MACROD2: variants seen among roughly 807,000 people sequenced by gnomAD.
MACROD2 encodes ADP-ribose glycohydrolase MACROD2.
MACROD2 carries 36 observed loss-of-function variants against 70.4 expected under a neutral mutation model. That is an observed-to-expected ratio of 0.51 (90% CI 0.39 to 0.68). The LOEUF (loss-of-function observed/expected upper bound fraction) is 0.68. MACROD2 is among the 30% of genes least tolerant of loss of function. The probability of loss-of-function intolerance (pLI) is 0.00; values close to 1 mark genes in which losing one functional copy is unlikely to be tolerated. For synonymous variants in MACROD2, 172 were observed against 178.8 expected (o/e 0.96, Z 0.30); for missense variants, 496 against 538.4 (o/e 0.92, Z 0.78).
intron 6 of MACROD2, among the ~76,000 whole-genome samples, chr20:15,241,330 A>C (rs1246047371): frequency 1.3e-5 from 2 of 152,182 alleles, no homozygotes; most frequent in East Asian, 3.8e-4. Flanking sequence ...TACTGATAGC[A>C]GTTTTCATTA....
chr20:15,356,070 C>T (rs1057373374), intron 6 of MACROD2, among the ~76,000 whole-genome samples: 2 of 152,084 alleles, frequency 1.3e-5, no homozygotes, highest in African/African-American at 4.8e-5. Context: ...TCCTATCTTC[C>T]ATCACTCTTG....
At chr20:14,739,802 T>G (rs1230395896) in intron 5 of MACROD2, among the ~76,000 whole-genome samples, 2 of 152,032 alleles carry the variant, frequency 1.3e-5, no homozygotes, top group African/African-American at 4.8e-5. Flanking sequence ...CTTTGATATA[T>G]TCACATAATA....
At chr20:15,705,639 G>A (rs2050522094) in intron 8 of MACROD2, among the ~76,000 whole-genome samples, 1 of 152,002 alleles carries the variant, frequency 6.6e-6, no homozygotes, top group African/African-American at 2.4e-5. Flanking sequence ...GGCTGGTCTT[G>A]AACTCCTAGC....
chr20:14,159,999 A>C (rs1168691892), intron 3 of MACROD2, among the ~76,000 whole-genome samples: 1 of 151,950 alleles, frequency 6.6e-6, no homozygotes, highest in Admixed American at 6.6e-5. Context: ...TTTGTCCTTT[A>C]TTCTGTTGAT....
chr20:15,191,066 C>G (rs1183371637), intron 5 of MACROD2, among the ~76,000 whole-genome samples: 1 of 152,168 alleles, frequency 6.6e-6, no homozygotes, highest in Non-Finnish European at 1.5e-5. Context: ...CATAGTTAAT[C>G]CAGGGCACAT....
chr20:14,276,482 TG>T (rs1167407424), intron 3 of MACROD2, among the ~76,000 whole-genome samples: 1 of 57,996 alleles, frequency 1.7e-5, no homozygotes, highest in East Asian at 6.6e-4. Flanking sequence ...TGTTGTGGGG[TG>T]GGGGGAGGGG....
intron 3 of MACROD2, among the ~76,000 whole-genome samples, chr20:14,224,915 G>C (rs1406300858): frequency 1.3e-5 from 2 of 152,088 alleles, no homozygotes; most frequent in Admixed American, 1.3e-4. Context: ...TTATACACTA[G>C]CCATTCTACC....
chr20:14,824,913 A>G (rs2072885363), intron 5 of MACROD2, among the ~76,000 whole-genome samples: 1 of 152,144 alleles, frequency 6.6e-6, no homozygotes, highest in Non-Finnish European at 1.5e-5. Flanking sequence ...TGCCCTGCAT[A>G]AAAGGTCTTA....
intron 5 of MACROD2, among the ~76,000 whole-genome samples, chr20:15,038,724 C>T (rs558882032): frequency 6.6e-6 from 1 of 152,214 alleles, no homozygotes; most frequent in South Asian, 2.1e-4. Context: ...ACCTGGAGGC[C>T]AGGTGATGGT....
At position 15,266,167 on chromosome 20, in the gene MACROD2, A is replaced by G. The variant is rs1302625292; in HGVS notation, c.540+36106A>G. 3.3e-5 allele frequency among the ~76,000 whole-genome samples: 5 copies of G among 152,234 alleles called. No individual in the cohort carries two copies. In the East Asian group the frequency reaches 9.6e-4, roughly 29 times the overall value. The stretch of plus-strand genomic sequence containing the variant: ...TTTTTTTAGAAATGTCTCTTAATAA[A>G]CTTAAAGATTCATAAGCCACAATTG... On this transcript the variant is annotated intron_variant, in intron 6 of 17. Transcript: ENST00000684519.
At chr20:14,025,255 CTT>C (rs1235024023) in intron 2 of MACROD2, among the ~76,000 whole-genome samples, 3 of 152,120 alleles carry the variant, frequency 2.0e-5, no homozygotes, top group African/African-American at 7.2e-5. Context: ...ATTCTTCTCT[CTT>C]TTCTTCTTTA....
chr20:14,259,005 T>G (rs1431155578), intron 3 of MACROD2, among the ~76,000 whole-genome samples: 1 of 152,192 alleles, frequency 6.6e-6, no homozygotes, highest in Non-Finnish European at 1.5e-5. Flanking sequence ...TGCAGTAGCA[T>G]GATCTCAGCT....
At chr20:14,302,820 T>C (rs1289389642) in intron 3 of MACROD2, among the ~76,000 whole-genome samples, 3 of 151,968 alleles carry the variant, frequency 2.0e-5, no homozygotes, top group Non-Finnish European at 4.4e-5. Flanking sequence ...GCCTGGTTAA[T>C]TTTTTGTATC....
intron 6 of MACROD2, among the ~76,000 whole-genome samples, chr20:15,276,628 ACT>A (rs1428410393): frequency 6.6e-6 from 1 of 152,048 alleles, no homozygotes; most frequent in African/African-American, 2.4e-5. Flanking sequence ...TCGCAGTTTC[ACT>A]CTTCCTGGTC....
intron 8 of MACROD2, among the ~76,000 whole-genome samples, chr20:15,676,344 TG>T (rs772775038): frequency 3.9e-5 from 6 of 152,218 alleles, no homozygotes; most frequent in Non-Finnish European, 5.9e-5. Context: ...AGACAGGCAA[TG>T]CCCATGCAAA....
intron 5 of MACROD2, among the ~76,000 whole-genome samples, chr20:14,741,796 T>A (rs2071735811): frequency 6.6e-6 from 1 of 152,048 alleles, no homozygotes; most frequent in African/African-American, 2.4e-5. Context: ...GGTCATAAAT[T>A]CACACCCAGT....
At chr20:14,357,574 A>G (rs913007225) in intron 3 of MACROD2, among the ~76,000 whole-genome samples, 1 of 152,226 alleles carries the variant, frequency 6.6e-6, no homozygotes, top group East Asian at 1.9e-4. Context: ...GAAAAAAAAG[A>G]TTCTACTCAC....
intron 3 of MACROD2, among the ~76,000 whole-genome samples, chr20:14,248,035 C>T (rs2081981551): frequency 6.6e-6 from 1 of 152,210 alleles, no homozygotes; most frequent in South Asian, 2.1e-4. Context: ...GGTGATGCAA[C>T]TGTGCTGCTT....
intron 5 of MACROD2, among the ~76,000 whole-genome samples, chr20:15,094,933 C>CT (rs1264031569): frequency 6.6e-6 from 1 of 151,956 alleles, no homozygotes; most frequent in Non-Finnish European, 1.5e-5. Context: ...CAAGTTTTAG[C>CT]TTCTTCCCTG....
Sources: gnomAD v4.1 joint callset for allele counts (sites outside exome capture counted in the v4.1 genomes callset) on GRCh38, gnomAD v4.1.1 for gene constraint, MANE v1.5 for transcripts, NCBI Gene and HGNC (gene_info 2026-07-23, HGNC 2026-07-21) for gene names.